RALA: variants seen among roughly 807,000 people sequenced by gnomAD.
RALA encodes the protein RAS like proto-oncogene A.
Under a neutral mutation model 24.0 loss-of-function variants are expected in RALA, and 5 were observed. The ratio of observed to expected loss-of-function variants is 0.21; its 90% CI spans 0.11 to 0.44. The LOEUF is 0.44. RALA is among the 20% of genes least tolerant of loss of function. The probability of loss-of-function intolerance (pLI) is 0.99; values close to 1 mark genes in which losing one functional copy is unlikely to be tolerated. For missense variants in RALA, 95 were observed against 241.2 expected (o/e 0.39, Z 4.01); for synonymous variants, 77 against 83.8 (o/e 0.92, Z 0.44).
chr7:39,645,729 A>G (rs1014909349), intron 1 of RALA, among the ~76,000 whole-genome samples: 3 of 152,234 alleles, frequency 2.0e-5, no homozygotes, highest in African/African-American at 7.2e-5. Context: ...TTAAGGAACA[A>G]GGAAAGCTTT....
chr7:39,665,440 T>C (rs1792268155), intron 1 of RALA, among the ~76,000 whole-genome samples: 1 of 152,114 alleles, frequency 6.6e-6, no homozygotes, highest in Non-Finnish European at 1.5e-5. Context: ...TAAGCATTTG[T>C]AGTTAAGTTT....
At chr7:39,678,304 C>T (rs1426109660) in intron 1 of RALA, among the ~76,000 whole-genome samples, 2 of 151,890 alleles carry the variant, frequency 1.3e-5, no homozygotes, top group Non-Finnish European at 2.9e-5. Context: ...GCAGCAGAAA[C>T]GGGAAACTAA....
intron 1 of RALA, among the ~76,000 whole-genome samples, chr7:39,630,138 G>A (rs1791568110): frequency 6.6e-6 from 1 of 151,440 alleles, no homozygotes; most frequent in Non-Finnish European, 1.5e-5. Flanking sequence ...CAGCCTCCAA[G>A]ACTCAAGTGA....
chr7:39,688,253 T>G (rs974028377), intron 2 of RALA, among the ~76,000 whole-genome samples: 6 of 152,086 alleles, frequency 3.9e-5, no homozygotes, highest in African/African-American at 1.4e-4. Context: ...AATTAAAAAA[T>G]TAGCTGGGCG....
chr7:39,674,041 G>GTAAATAAATAAA lies in RALA; in HGVS notation c.-37-12553_-37-12542dup, dbSNP rs72097023. ...TTACCTGGGACTACAGGCATGCACT[G>GTAAATAAATAAA]TAAATAAATAAATAAATAAATAAAT... On this transcript the variant is annotated intron_variant, in intron 1 of 4. Coordinates refer to ENST00000005257, the MANE Select transcript of RALA (RefSeq NM_005402.4). Among the ~76,000 whole-genome samples the GTAAATAAATAAA allele has an allele frequency of 9.2e-4, 45 of 48,912 alleles. 1 individual carries two copies. Among genetic ancestry groups the GTAAATAAATAAA allele is most frequent in the East Asian group, 3.2e-3 (5 of 1,540 alleles). The allele number at this position is 48,912 out of a possible 152,430, so 32.1% of individuals were successfully genotyped here. A position where few individuals can be genotyped will look rare whatever the true frequency, so the allele number is the denominator to read the frequency against.
chr7:39,696,934 G>A, intron 4 of RALA, 75 bp downstream of exon 4: 1 of 1,365,308 alleles, frequency 7.3e-7, no homozygotes, highest in Non-Finnish European at 1.0e-6. Context: ...ATTTTGTCTG[G>A]AGAGTCTATG....
At chr7:39,633,668 G>C (rs972868125) in intron 1 of RALA, among the ~76,000 whole-genome samples, 3 of 152,180 alleles carry the variant, frequency 2.0e-5, no homozygotes, top group African/African-American at 7.2e-5. Flanking sequence ...TATCCACTGG[G>C]GGGTAATCCT....
chr7:39,649,186 T>A (rs1160689550), intron 1 of RALA, among the ~76,000 whole-genome samples: 1 of 152,110 alleles, frequency 6.6e-6, no homozygotes, highest in African/African-American at 2.4e-5. Context: ...GGCATGGAGT[T>A]TTGGACAGTT....
intron 2 of RALA, among the ~76,000 whole-genome samples, chr7:39,687,196 G>A (rs1792720484): frequency 1.3e-5 from 2 of 152,152 alleles, no homozygotes; most frequent in Non-Finnish European, 2.9e-5. Context: ...GGGAGGCCAA[G>A]ACAGGCAGAT....
At chr7:39,648,895 C>T (rs986972491) in intron 1 of RALA, among the ~76,000 whole-genome samples, 2 of 152,006 alleles carry the variant, frequency 1.3e-5, no homozygotes, top group African/African-American at 4.8e-5. Flanking sequence ...CCAGTATCTA[C>T]AAAAAATACA....
At chr7:39,693,141 C>G (rs992199479) in intron 3 of RALA, among the ~76,000 whole-genome samples, 1 of 152,126 alleles carries the variant, frequency 6.6e-6, no homozygotes, top group Non-Finnish European at 1.5e-5. Context: ...CGGCACTACT[C>G]ACAATAGTAA....
At chr7:39,678,845 A>T (rs1005523053) in intron 1 of RALA, among the ~76,000 whole-genome samples, 2 of 152,188 alleles carry the variant, frequency 1.3e-5, no homozygotes, top group African/African-American at 4.8e-5. Context: ...AGTTTTAATT[A>T]TATTTTTTAA....
chr7:39,650,052 G>A (rs1791994593), intron 1 of RALA, among the ~76,000 whole-genome samples: 1 of 152,166 alleles, frequency 6.6e-6, no homozygotes, highest in Admixed American at 6.5e-5. Flanking sequence ...AAGTAGGGTT[G>A]AGAGTTTTTG....
At chr7:39,649,535 C>A (rs992490216) in intron 1 of RALA, among the ~76,000 whole-genome samples, 3 of 152,158 alleles carry the variant, frequency 2.0e-5, no homozygotes, top group African/African-American at 7.2e-5. Flanking sequence ...GCTCCTTTTC[C>A]TAGTGAGGAC....
chr7:39,669,808 TAAA>T (rs35648613), intron 1 of RALA, among the ~76,000 whole-genome samples: 2 of 133,792 alleles, frequency 1.5e-5, no homozygotes, highest in Non-Finnish European at 3.2e-5. Context: ...TCTGTCTCTT[TAAA>T]AAAAAAAAAA....
chr7:39,658,236 A>T (rs1403807370), intron 1 of RALA, among the ~76,000 whole-genome samples: 1 of 152,128 alleles, frequency 6.6e-6, no homozygotes, highest in Non-Finnish European at 1.5e-5. Context: ...GCACTGTGGC[A>T]TCCATGACTT....
intron 1 of RALA, among the ~76,000 whole-genome samples, chr7:39,658,769 G>A (rs1006846218): frequency 2.0e-5 from 3 of 151,110 alleles, no homozygotes; most frequent in Non-Finnish European, 4.4e-5. Context: ...TTTTTTTAGG[G>A]ATGGAGTCTT....
rs775110899 is a variant in RALA, at chr7:39,686,650, T to G, written c.-18T>G. ...TCTTAGATTCTTCTTAATCCTTTGG[T>G]GAAAACTGAGACACAAAATGGCTGC... is the stretch of plus-strand genomic sequence containing the variant. On this transcript the variant is annotated 5_prime_UTR_variant, in exon 2 of 5. Coordinates refer to ENST00000005257, the MANE Select transcript of RALA (RefSeq NM_005402.4). 6.3e-7 allele frequency: 1 copy of G among 1,578,928 alleles called. No homozygotes were observed. Among genetic ancestry groups the G allele is most frequent in the South Asian group, 1.1e-5 (1 of 90,342 alleles).
intron 4 of RALA, among the ~76,000 whole-genome samples, chr7:39,701,380 G>A (rs78459877): frequency 2.6e-5 from 4 of 152,100 alleles, no homozygotes; most frequent in Non-Finnish European, 2.9e-5. Context: ...GTGTGGTGGC[G>A]AATGTCTGTA....
Sources: gnomAD v4.1 joint callset for allele counts (sites outside exome capture counted in the v4.1 genomes callset) on GRCh38, gnomAD v4.1.1 for gene constraint, MANE v1.5 for transcripts, NCBI Gene and HGNC (gene_info 2026-07-23, HGNC 2026-07-21) for gene names.